The following FYN variants were observed in gnomAD, a reference collection of about 807,000 sequenced individuals.
FYN encodes FYN proto-oncogene, Src family tyrosine kinase.
In FYN, 10 loss-of-function variants were observed where a neutral mutation model predicts 70.2. The observed-to-expected ratio is 0.14, with a 90% CI of 0.09 to 0.24. The LOEUF is 0.24. FYN is among the 10% of genes least tolerant of loss of function. FYN has a pLI of 1.00. For missense variants in FYN, 319 were observed against 673.1 expected, an observed-to-expected ratio of 0.47 and a Z score of 5.82; for synonymous variants, 236 against 248.6, an observed-to-expected ratio of 0.95 and a Z score of 0.48.
chr6:111,795,938 G>T (rs1420975071), intron 2 of FYN, among the ~76,000 whole-genome samples: 5 of 152,138 alleles, frequency 3.3e-5, no homozygotes, highest in African/African-American at 1.2e-4. Context: ...TAAGGGAAAC[G>T]ATTTATAAAT....
chr6:111,699,530 C>T (rs989052808), intron 9 of FYN: 7 of 1,613,482 alleles, frequency 4.3e-6, no homozygotes, highest in South Asian at 1.1e-5. Flanking sequence ...CACACTTCAG[C>T]GAAACACCCC....
chr6:111,768,603 C>T (rs1322773359), intron 3 of FYN, among the ~76,000 whole-genome samples: 2 of 152,184 alleles, frequency 1.3e-5, no homozygotes, highest in African/African-American at 4.8e-5. Context: ...GGCCTGGGAA[C>T]CTGGATTTTT....
chr6:111,858,337 A>G (rs904669722), intron 1 of FYN: 18 of 152,298 alleles, frequency 1.2e-4, no homozygotes, highest in African/African-American at 4.3e-4. Context: ...GCCCAGGACA[A>G]CTGGGTGCTA....
At chr6:111,813,712 C>A (rs564743275) in intron 2 of FYN, among the ~76,000 whole-genome samples, 1 of 152,292 alleles carries the variant, frequency 6.6e-6, no homozygotes, top group African/African-American at 2.4e-5. Flanking sequence ...CCCTATTTCA[C>A]AGGATCTCCA....
chr6:111,693,383 C>G (rs762054150), intron 12 of FYN, among the ~76,000 whole-genome samples: 7 of 152,114 alleles, frequency 4.6e-5, no homozygotes, highest in Non-Finnish European at 8.8e-5. Context: ...AATGAAAGTT[C>G]CCCCTTGCCC....
intron 5 of FYN, among the ~76,000 whole-genome samples, chr6:111,713,007 C>T (rs1040886461): frequency 2.0e-5 from 3 of 152,096 alleles, no homozygotes; most frequent in Non-Finnish European, 4.4e-5. Flanking sequence ...GCATGTGTTC[C>T]AACAAAAAGT....
chr6:111,815,251 A>G (rs1193788535), intron 2 of FYN, among the ~76,000 whole-genome samples: 2 of 152,190 alleles, frequency 1.3e-5, no homozygotes, highest in Non-Finnish European at 2.9e-5. Flanking sequence ...AAATGGCTAC[A>G]GCTGCAGCCT....
chr6:111,762,235 G>C (rs1430217035), intron 3 of FYN, among the ~76,000 whole-genome samples: 1 of 152,110 alleles, frequency 6.6e-6, no homozygotes, highest in East Asian at 1.9e-4. Flanking sequence ...CCCTGGGAGA[G>C]GCTTTGCTTC....
At chr6:111,736,863 T>C (rs1445073158) in intron 3 of FYN, among the ~76,000 whole-genome samples, 1 of 152,242 alleles carries the variant, frequency 6.6e-6, no homozygotes, top group Non-Finnish European at 1.5e-5. Flanking sequence ...ATAGGTTCAC[T>C]GCTAAAATAA....
chr6:111,857,892 T>C (rs1773865237), intron 1 of FYN, among the ~76,000 whole-genome samples: 1 of 152,180 alleles, frequency 6.6e-6, no homozygotes, highest in Non-Finnish European at 1.5e-5. Context: ...TGCTGGCCTC[T>C]GGCCTCTGTG....
intron 2 of FYN, among the ~76,000 whole-genome samples, chr6:111,818,004 C>T (rs1377173337): frequency 6.6e-6 from 1 of 152,160 alleles, no homozygotes; most frequent in Non-Finnish European, 1.5e-5. Flanking sequence ...AAGAATCAGC[C>T]AACTGTGAGA....
chr6:111,764,238 GAAAAAAAAAGAAAGAAAGAA>G (rs1803131161), intron 3 of FYN, among the ~76,000 whole-genome samples: 1 of 87,120 alleles, frequency 1.1e-5, no homozygotes, highest in Non-Finnish European at 2.3e-5. Flanking sequence ...AAAAAGAAAA[GAAAAAAAAAGAAAGAAAGAA>G]AAAAGAAAAA....
intron 3 of FYN, among the ~76,000 whole-genome samples, chr6:111,751,460 CA>C (rs1335762683): frequency 6.8e-6 from 1 of 146,828 alleles, no homozygotes; most frequent in Non-Finnish European, 1.5e-5. Context: ...CAATTAACAA[CA>C]AAAACCCCCC....
intron 3 of FYN, among the ~76,000 whole-genome samples, chr6:111,755,839 T>C (rs1245707911): frequency 6.6e-6 from 1 of 152,150 alleles, no homozygotes; most frequent in Non-Finnish European, 1.5e-5. Context: ...ATGATAAAAA[T>C]ACTCCATATT....
At chr6:111,764,216 C>CAAAAAAAAAAAAAAAAAAAA (rs11409465) in intron 3 of FYN, among the ~76,000 whole-genome samples, 29 of 58,260 alleles carry the variant, frequency 5.0e-4, no homozygotes, top group East Asian at 8.6e-4. Flanking sequence ...TTTTGTCAAG[C>CAAAAAAAAAAAAAAAAAAAA]AAAAAAAAAA....
chr6:111,863,581 G>T (rs571756563), intron 1 of FYN, among the ~76,000 whole-genome samples: 3 of 152,108 alleles, frequency 2.0e-5, no homozygotes, highest in Non-Finnish European at 4.4e-5. Flanking sequence ...AAGGAGATCT[G>T]GCTCATTTTT....
At chr6:111,713,177 A>C (rs756186381) in intron 5 of FYN, among the ~76,000 whole-genome samples, 2 of 152,124 alleles carry the variant, frequency 1.3e-5, no homozygotes, top group Non-Finnish European at 1.5e-5. Flanking sequence ...GCATATTCTC[A>C]CTGCATGGTT....
Position 111,700,206 on chromosome 6 carries a change from T to C in FYN, c.760A>G (p.Thr254Ala), listed in dbSNP as rs746244610. The change falls in exon 9 of 14, where the codon ACC becomes GCC. Residue 254 changes from threonine to alanine, a missense_variant. By Grantham distance (58) the Thr-to-Ala change is moderately conservative. Transcript: ENST00000354650. Reference protein sequence around the residue: ...VPCHKGMPRLTDLSVKTKDVW... With the variant: ...VPCHKGMPRLADLSVKTKDVW... ...TCTTTGGTTTTGACAGACAGATCGG[T>C]AAGCCTTGGCATCCCTTTGTGACAG... is the stretch of plus-strand genomic sequence containing the variant. 4 of 1,614,150 alleles carry C rather than the reference T, an allele frequency of 2.5e-6. No homozygotes were observed. The highest frequency in any genetic ancestry group is 3.4e-6 in the Non-Finnish European group (4 of 1,180,008).
chr6:111,819,531 A>T (rs1466365660), intron 2 of FYN, among the ~76,000 whole-genome samples: 2 of 152,190 alleles, frequency 1.3e-5, no homozygotes, highest in Non-Finnish European at 2.9e-5. Flanking sequence ...TTTAAAACAT[A>T]GTACTTGAAC....
Sources: allele counts gnomAD v4.1 joint callset (sites outside exome capture counted in the v4.1 genomes callset), GRCh38; gene constraint gnomAD v4.1.1; transcripts MANE v1.5; gene names NCBI Gene and HGNC (gene_info 2026-07-23, HGNC 2026-07-21).